The following CD300LF variants were observed in gnomAD, a reference collection of about 807,000 sequenced individuals.
The protein encoded by CD300LF is CMRF35-like molecule 1.
CD300LF carries 27 observed loss-of-function variants against 32.2 expected under a neutral mutation model. The ratio of observed to expected loss-of-function variants is 0.84; its 90% confidence interval spans 0.62 to 1.15. The LOEUF (loss-of-function observed/expected upper bound fraction) is 1.15. CD300LF is among the 50% of genes most tolerant of loss of function. The pLI is 0.00. For missense variants in CD300LF, 348 were observed against 356.8 expected, an observed-to-expected ratio of 0.98 and a Z score of 0.20; for synonymous variants, 139 against 143.2, an observed-to-expected ratio of 0.97 and a Z score of 0.21.
chr17:74,699,032 C>A (rs984859068), intron 3 of CD300LF, among the ~76,000 whole-genome samples: 6 of 152,096 alleles, frequency 3.9e-5, no homozygotes, highest in Non-Finnish European at 7.4e-5. Context: ...GATTCTTCTG[C>A]CTCAGCCTCC....
At chr17:74,712,559 G>C (rs1411828989) in intron 1 of CD300LF, among the ~76,000 whole-genome samples, 1 of 152,200 alleles carries the variant, frequency 6.6e-6, no homozygotes, top group Non-Finnish European at 1.5e-5. Context: ...CTTTTCCCTG[G>C]CCGGCGGGGC....
chr17:74,705,405 A>T, intron 1 of CD300LF: 1 of 527,212 alleles, frequency 1.9e-6, no homozygotes, highest in Non-Finnish European at 3.5e-6. Context: ...CACAGATCCC[A>T]CTTTCTTTAA....
At chr17:74,700,198 T>C (rs1373812389) in intron 3 of CD300LF, among the ~76,000 whole-genome samples, 3 of 151,526 alleles carry the variant, frequency 2.0e-5, no homozygotes, top group African/African-American at 7.3e-5. Flanking sequence ...CAAAATAAAA[T>C]AAATAAATAA....
At chr17:74,700,148 T>C (rs2143666749) in intron 3 of CD300LF, among the ~76,000 whole-genome samples, 2 of 146,028 alleles carry the variant, frequency 1.4e-5, no homozygotes, top group South Asian at 4.4e-4. Context: ...TCTCAATAAA[T>C]AAATAAATAA....
intron 1 of CD300LF, among the ~76,000 whole-genome samples, chr17:74,708,957 G>A (rs1484233194): frequency 6.6e-6 from 1 of 151,064 alleles, no homozygotes; most frequent in African/African-American, 2.4e-5. Flanking sequence ...AGGCACGGTG[G>A]TTTACACCTG....
At chr17:74,702,660 C>T (rs566665351) in intron 3 of CD300LF, among the ~76,000 whole-genome samples, 1 of 152,248 alleles carries the variant, frequency 6.6e-6, no homozygotes, top group South Asian at 2.1e-4. Flanking sequence ...CGCCCACACT[C>T]ACATGAGACA....
At chr17:74,710,704 CGAA>C (rs1567800866) in intron 1 of CD300LF, among the ~76,000 whole-genome samples, 4 of 139,534 alleles carry the variant, frequency 2.9e-5, no homozygotes, top group Non-Finnish European at 3.1e-5. Context: ...ACTAAAAATA[CGAA>C]AAAAAAAAAA....
intron 4 of CD300LF, among the ~76,000 whole-genome samples, chr17:74,696,903 TGTTTGGTTTGGTTTGGTTTG>T (rs72122986): frequency 3.3e-4 from 48 of 146,932 alleles, no homozygotes; most frequent in African/African-American, 1.2e-3. Context: ...GGACCGATTT[TGTTTGGTTTGGTTTGGTTTG>T]GTTTGGTTTG....
intron 3 of CD300LF, among the ~76,000 whole-genome samples, chr17:74,699,645 C>T (rs1254605824): frequency 6.6e-6 from 1 of 152,086 alleles, no homozygotes; most frequent in Non-Finnish European, 1.5e-5. Flanking sequence ...TCCCTTTGAG[C>T]CCCCAGGGTG....
chr17:74,695,227 A>G lies in CD300LF; in HGVS notation c.742T>C (p.Ser248Pro), dbSNP rs2032317038. Residue 248 changes from serine to proline, a missense_variant, in exon 7 of 7, where the codon TCC becomes CCC. Ser to Pro is a moderately conservative substitution (Grantham distance 74). Coordinates refer to ENST00000326165, the MANE Select transcript of CD300LF (RefSeq NM_139018.5). ...TMASLPKEDI[S>P]YASLTLGAED... ...GCACCCAAGGTCAGAGATGCATAGG[A>G]AATGTCCTCCTTCGGCAAGGAAGCC... is the stretch of plus-strand genomic sequence containing the variant. The G allele has an allele frequency of 6.2e-7, 1 of 1,613,976 alleles. No individual in the cohort carries two copies. The highest frequency in any genetic ancestry group is 1.3e-5 in the African/African-American group (1 of 74,912).
intron 1 of CD300LF, chr17:74,705,240 G>A: frequency 2.8e-6 from 2 of 702,372 alleles, no homozygotes; most frequent in African/African-American, 1.7e-5. Context: ...ATGAGGTCGA[G>A]CTGAGGCAGC....
intron 1 of CD300LF, among the ~76,000 whole-genome samples, chr17:74,710,406 G>A (rs1005523623): frequency 7.2e-5 from 11 of 152,280 alleles, no homozygotes; most frequent in African/African-American, 2.6e-4. Context: ...ATTTAATAGA[G>A]TGGCTAAATA....
chr17:74,695,304 C>T lies in CD300LF; in HGVS notation c.718-53G>A, dbSNP rs755011838. On this transcript the variant is annotated intron_variant, in intron 6 of 6. Transcript: ENST00000326165. ...AGAGGACGGCAGGAAGTGACGGTCA[C>T]GGGGCAGAGGAGCCCTCGGAGGAGG... is the stretch of plus-strand genomic sequence containing the variant. 78 of 1,604,118 alleles carry T rather than the reference C, an allele frequency of 4.9e-5. No individual in the cohort carries two copies. The Middle Eastern group carries it at 1.0e-3, about 20-fold the overall frequency.
chr17:74,701,245 C>T lies in CD300LF; in HGVS notation c.446+1790G>A, dbSNP rs71375243. 2.2e-3 allele frequency among the ~76,000 whole-genome samples: 335 copies of T among 152,250 alleles called. 2 individuals carry two copies. The highest frequency in any genetic ancestry group is 2.1e-3 in the Non-Finnish European group (144 of 68,008). Reference sequence around the variant, plus strand: ...TCATCAGTCAATTAATTGTGTCAACCCTATTTGGTTACACTAATTAGCTCT... The same window carrying T: ...TCATCAGTCAATTAATTGTGTCAACTCTATTTGGTTACACTAATTAGCTCT... On this transcript the variant is annotated intron_variant, in intron 3 of 6. Coordinates refer to ENST00000326165, the MANE Select transcript of CD300LF (RefSeq NM_139018.5).
At chr17:74,705,024 TC>T (rs776451700) in intron 1 of CD300LF, among the ~76,000 whole-genome samples, 4 of 151,958 alleles carry the variant, frequency 2.6e-5, no homozygotes, top group Non-Finnish European at 5.9e-5. Flanking sequence ...CAACAACGGA[TC>T]CCCCCAAAAA....
intron 1 of CD300LF, 88 bp downstream of exon 1, chr17:74,712,736 C>A (rs2034060821): frequency 4.3e-6 from 6 of 1,380,026 alleles, no homozygotes; most frequent in South Asian, 1.2e-5. Context: ...ATTAAGGACA[C>A]CTTCTGGCCG....
chr17:74,704,663 A>G lies in CD300LF; in HGVS notation c.197T>C (p.Val66Ala). Residue 66 changes from valine (V) to alanine (A), a missense_variant, in exon 2 of 7, where the codon GTT (valine) becomes GCT (alanine). Coordinates refer to ENST00000326165, the MANE Select transcript of CD300LF (RefSeq NM_139018.5). Reference protein sequence around the residue: ...GAIWRDCKILVKTSGSEQEVK... With the variant: ...GAIWRDCKILAKTSGSEQEVK... ...CTCCTGCTCTGACCCACTGGTTTTAACAAGGATCTTGCAGTCACGCCAAAT... is the reference window on the plus strand; with the variant it reads ...CTCCTGCTCTGACCCACTGGTTTTAGCAAGGATCTTGCAGTCACGCCAAAT... The G allele has an allele frequency of 6.2e-7, 1 of 1,614,168 alleles. No individual in the cohort carries two copies. The highest frequency in any genetic ancestry group is 8.5e-7 in the Non-Finnish European group (1 of 1,180,030).
At chr17:74,706,304 A>G (rs2033507653) in intron 1 of CD300LF, among the ~76,000 whole-genome samples, 1 of 150,338 alleles carries the variant, frequency 6.7e-6, no homozygotes, top group Non-Finnish European at 1.5e-5. Context: ...TATATATCCC[A>G]AAGTGCTGCG....
chr17:74,709,347 AT>A (rs1408798101), intron 1 of CD300LF, among the ~76,000 whole-genome samples: 4 of 152,208 alleles, frequency 2.6e-5, no homozygotes, highest in African/African-American at 9.7e-5. Flanking sequence ...CTCATTCATG[AT>A]TTTTTAAAAA....
Sources: allele counts gnomAD v4.1 joint callset (sites outside exome capture counted in the v4.1 genomes callset), GRCh38; gene constraint gnomAD v4.1.1; transcripts MANE v1.5; gene names NCBI Gene and HGNC (gene_info 2026-07-23, HGNC 2026-07-21).